The following TPCN2 variants were observed in gnomAD, a reference collection of about 807,000 sequenced individuals.
TPCN2 encodes two pore segment channel 2.
In TPCN2, 92 loss-of-function variants were observed where a neutral mutation model predicts 111.4. That is an observed-to-expected ratio of 0.83 (90% CI 0.70 to 0.98). TPCN2 has a LOEUF of 0.98. Among genes scored for constraint, TPCN2 ranks in the 50% least tolerant of loss-of-function variants. The pLI is 0.00. For synonymous variants in TPCN2, 405 were observed against 414.5 expected, an observed-to-expected ratio of 0.98 and a Z score of 0.28; for missense variants, 995 against 980.1, an observed-to-expected ratio of 1.02 and a Z score of -0.20.
intron 11 of TPCN2, among the ~76,000 whole-genome samples, chr11:69,072,371 A>G (rs962520950): frequency 1.3e-5 from 2 of 152,028 alleles, no homozygotes; most frequent in African/African-American, 2.4e-5. Flanking sequence ...CTGCTTGGAA[A>G]TGAGGGCAGA....
At chr11:69,068,069 C>G (rs1379033155) in intron 8 of TPCN2, among the ~76,000 whole-genome samples, 2 of 151,994 alleles carry the variant, frequency 1.3e-5, no homozygotes, top group Non-Finnish European at 2.9e-5. Context: ...CATGTGAGGG[C>G]CAAGGGTCTT....
At position 69,088,357 on chromosome 11, in the gene TPCN2, G is replaced by A; in HGVS notation, c.*404G>A. ...GCACAGGTTAACCGTCAGACTTCCGGGGCATTCAGGTGGGGATGCTGGTGG... is the reference window on the plus strand; with the variant it reads ...GCACAGGTTAACCGTCAGACTTCCGAGGCATTCAGGTGGGGATGCTGGTGG... On this transcript the variant is annotated 3_prime_UTR_variant, in exon 25 of 25. Coordinates refer to ENST00000294309, the MANE Select transcript of TPCN2 (RefSeq NM_139075.4). 1 of 179,020 alleles carries A rather than the reference G, an allele frequency of 5.6e-6. No homozygotes were observed. 11.1% of individuals were successfully genotyped at this position (179,020 alleles called of 1,614,324 possible).
intron 9 of TPCN2, among the ~76,000 whole-genome samples, 180 bp from the exon 10 acceptor site, chr11:69,071,176 T>A (rs1387360111): frequency 6.8e-6 from 1 of 146,650 alleles, no homozygotes; most frequent in Non-Finnish European, 1.5e-5. Flanking sequence ...CACCCCACAC[T>A]TTCTGTTCTG....
Position 69,070,466 on chromosome 11 carries a change from C to A in TPCN2, c.866C>A (p.Ala289Asp). The A allele has an allele frequency of 6.2e-7, 1 of 1,610,920 alleles. No individual in the cohort carries two copies. Among genetic ancestry groups the A allele is most frequent in the African/African-American group, 1.3e-5 (1 of 74,740 alleles). ...IPAYSKNRAY[A>D]IFFIVFTVIG... is the part of the protein sequence containing the mutation. ...GCGTATTCCAAGAACCGGGCCTATG[C>A]CATCTTCTTCATAGTCTTCACTGTG... Residue 289 changes from alanine to aspartate, a missense_variant, in exon 9 of 25, where the codon GCC becomes GAC. By Grantham distance (126) the Ala-to-Asp change is moderately radical. Coordinates refer to ENST00000294309, the MANE Select transcript of TPCN2 (RefSeq NM_139075.4).
intron 17 of TPCN2, among the ~76,000 whole-genome samples, chr11:69,081,013 C>G (rs1356590528): frequency 2.0e-5 from 3 of 151,972 alleles, no homozygotes; most frequent in African/African-American, 7.2e-5. Context: ...GCGCAGGAGA[C>G]CGGGGCAGGA....
intron 8 of TPCN2, among the ~76,000 whole-genome samples, chr11:69,069,771 G>C (rs1855435429): frequency 8.8e-6 from 1 of 114,140 alleles, no homozygotes; most frequent in Non-Finnish European, 2.0e-5. Context: ...CTGAGTCCTA[G>C]GAAGTGACCG....
intron 5 of TPCN2, among the ~76,000 whole-genome samples, chr11:69,059,606 T>C (rs755761): frequency 0.46 from 70,530 of 152,170 alleles, 16,768 homozygotes; most frequent in Non-Finnish European, 0.52. Flanking sequence ...GGACCCTTCC[T>C]ACAGCCAGCT....
At chr11:69,064,414 T>C (rs549376859) in intron 7 of TPCN2, among the ~76,000 whole-genome samples, 2 of 152,088 alleles carry the variant, frequency 1.3e-5, no homozygotes, top group South Asian at 4.1e-4. Flanking sequence ...CCTCTCTGAC[T>C]GCAGCCCCCA....
Position 69,062,880 on chromosome 11 carries a change from C to A in TPCN2, c.547-4C>A. 1 of 1,613,760 alleles carries A rather than the reference C, an allele frequency of 6.2e-7. No individual in the cohort carries two copies. Among genetic ancestry groups the A allele is most frequent in the Non-Finnish European group, 8.5e-7 (1 of 1,179,734 alleles). ...TGGTCCTCAGTTTCCTGGGTCTCTT[C>A]CAGCCCCTGCGGATCCGCCGGCTTC... On this transcript the variant is annotated splice_polypyrimidine_tract_variant and splice_region_variant and intron_variant, in intron 5 of 24. Coordinates refer to ENST00000294309, the MANE Select transcript of TPCN2 (RefSeq NM_139075.4).
intron 8 of TPCN2, among the ~76,000 whole-genome samples, chr11:69,069,288 A>G (rs1267044022): frequency 7.2e-5 from 4 of 55,222 alleles, no homozygotes; most frequent in African/African-American, 1.8e-4. Context: ...TGGGAGCAGG[A>G]CCGTCTGAGT....
chr11:69,078,602 G>A lies in TPCN2; in HGVS notation c.1350+1G>A, dbSNP rs766841999. 25 of 1,613,880 alleles carry A rather than the reference G, an allele frequency of 1.5e-5. No homozygotes were observed. Among genetic ancestry groups the A allele is most frequent in the South Asian group, 3.3e-5 (3 of 91,090 alleles). ...CCTGGCAAACCTGGTGTCCATTTGC[G>A]TGAGTGTGGATTTGCCCCAGAGCTG... On this transcript the variant is annotated splice_donor_variant, in intron 14 of 24. Transcript: ENST00000294309. LOFTEE classifies it high-confidence loss of function.
At chr11:69,064,981 ATGTC>A (rs369555587) in intron 7 of TPCN2, among the ~76,000 whole-genome samples, 20,150 of 146,842 alleles carry the variant, frequency 0.14, 1,895 homozygotes, top group South Asian at 0.21. Context: ...TGGTGTCTGT[ATGTC>A]TGTGTGCGTG....
intron 21 of TPCN2, 46 bp from the exon 22 acceptor site, chr11:69,085,802 C>G (rs756453360): frequency 2.5e-6 from 4 of 1,612,948 alleles, no homozygotes; most frequent in Non-Finnish European, 2.5e-6. Flanking sequence ...CTCCTCCCCT[C>G]CCTACCTCCT....
At position 69,078,929 on chromosome 11, in the gene TPCN2, A is replaced by G; in HGVS notation, c.1448A>G (p.Glu483Gly). 6.2e-7 allele frequency: 1 copy of G among 1,614,072 alleles called. No individual in the cohort carries two copies. The highest frequency in any genetic ancestry group is 1.6e-4 in the Middle Eastern group (1 of 6,062). The change falls in exon 16 of 25, where the codon GAG becomes GGG. Residue 483 changes from glutamate to glycine, a missense_variant. Transcript: ENST00000294309. Reference sequence around the variant, plus strand: ...GTCTTCATTGTGTACTACCTGTTGGAGATGCTGCTCAAGGTCTTTGCCCTG... The same window carrying G: ...GTCTTCATTGTGTACTACCTGTTGGGGATGCTGCTCAAGGTCTTTGCCCTG... Reference protein sequence around the residue: ...NCVFIVYYLLEMLLKVFALGL... With the variant: ...NCVFIVYYLLGMLLKVFALGL...
chr11:69,087,812 G>A (rs1379623727), intron 24 of TPCN2, 63 bp from the exon 25 acceptor site: 38 of 1,386,680 alleles, frequency 2.7e-5, no homozygotes, highest in Non-Finnish European at 2.8e-5. Flanking sequence ...CCTTGTTCTT[G>A]TGGGCAGGCC....
chr11:69,064,000 G>C (rs1375234342), intron 7 of TPCN2, 33 bp downstream of exon 7: 13 of 1,603,688 alleles, frequency 8.1e-6, no homozygotes, highest in Non-Finnish European at 1.1e-5. Context: ...CTGGGAATGG[G>C]GCTGCCCTGT....
At chr11:69,064,103 G>A (rs1855152483) in intron 7 of TPCN2, 136 bp downstream of exon 7, 7 of 832,780 alleles carry the variant, frequency 8.4e-6, no homozygotes, top group Non-Finnish European at 9.8e-6. Context: ...GCCCATCTGG[G>A]GTCCAGGAGT....
At chr11:69,052,575 G>A (rs1256930896) in intron 1 of TPCN2, among the ~76,000 whole-genome samples, 5 of 152,104 alleles carry the variant, frequency 3.3e-5, no homozygotes, top group African/African-American at 4.8e-5. Flanking sequence ...TCTTGCTCCC[G>A]GCAGTGCAGC....
chr11:69,072,497 G>A (rs951095499), intron 11 of TPCN2, 130 bp from the exon 12 acceptor site: 1 of 814,476 alleles, frequency 1.2e-6, no homozygotes, highest in Non-Finnish European at 1.9e-6. Flanking sequence ...AGGGGCTCTT[G>A]GTGTGGCTCA....
Sources: gnomAD v4.1 joint callset for allele counts (sites outside exome capture counted in the v4.1 genomes callset) on GRCh38, gnomAD v4.1.1 for gene constraint, MANE v1.5 for transcripts, NCBI Gene and HGNC (gene_info 2026-07-23, HGNC 2026-07-21) for gene names.